The following DPP10 variants were observed in gnomAD, a reference collection of about 807,000 sequenced individuals.
DPP10 encodes dipeptidyl peptidase like 10.
In DPP10, 33 loss-of-function variants were observed where a neutral mutation model predicts 120.9. The observed-to-expected ratio is 0.27, with a 90% CI of 0.21 to 0.37. The LOEUF is 0.37. DPP10 is among the 10% of genes least tolerant of loss of function. The pLI is 1.00. For missense variants in DPP10, 816 were observed against 942.8 expected, an observed-to-expected ratio of 0.87 and a Z score of 1.76; for synonymous variants, 337 against 326.1, an observed-to-expected ratio of 1.03 and a Z score of -0.36.
At chr2:115,408,248 G>T (rs961652285) in intron 3 of DPP10, among the ~76,000 whole-genome samples, 1 of 152,086 alleles carries the variant, frequency 6.6e-6, no homozygotes, top group Non-Finnish European at 1.5e-5. Context: ...GAACAGGAGA[G>T]GCCAGGCTCC....
chr2:115,236,349 T>A (rs2058007905), intron 1 of DPP10, among the ~76,000 whole-genome samples: 1 of 152,206 alleles, frequency 6.6e-6, no homozygotes, highest in Non-Finnish European at 1.5e-5. Context: ...CCTTTCATTG[T>A]TTAATGGTAG....
intron 1 of DPP10, among the ~76,000 whole-genome samples, chr2:114,727,228 G>A (rs1392470890): frequency 1.3e-5 from 2 of 152,190 alleles, no homozygotes; most frequent in Non-Finnish European, 2.9e-5. Context: ...ATGGCTGGCA[G>A]AGTGGTGGAA....
At chr2:115,182,645 C>T (rs569164625) in intron 1 of DPP10, among the ~76,000 whole-genome samples, 83 of 151,922 alleles carry the variant, frequency 5.5e-4, no homozygotes, top group Non-Finnish European at 1.0e-3. Context: ...TGTAGATACT[C>T]CTTTCTATGG....
chr2:114,781,127 A>G (rs1682290897), intron 1 of DPP10, among the ~76,000 whole-genome samples: 1 of 152,164 alleles, frequency 6.6e-6, no homozygotes, highest in Non-Finnish European at 1.5e-5. Context: ...AAATAAATGA[A>G]TGAATAAATA....
chr2:115,536,621 G>T (rs1418855532), intron 5 of DPP10, among the ~76,000 whole-genome samples: 3 of 151,972 alleles, frequency 2.0e-5, no homozygotes, highest in African/African-American at 7.2e-5. Flanking sequence ...CCAGTAAAGA[G>T]AAATAATTTA....
intron 1 of DPP10, among the ~76,000 whole-genome samples, chr2:114,779,223 A>G (rs1183670693): frequency 6.6e-6 from 1 of 152,096 alleles, no homozygotes; most frequent in African/African-American, 2.4e-5. Context: ...GTGGACACTA[A>G]ATGCTCTTCA....
At chr2:114,573,066 C>A (rs1193542743) in intron 1 of DPP10, among the ~76,000 whole-genome samples, 1 of 152,204 alleles carries the variant, frequency 6.6e-6, no homozygotes. Flanking sequence ...CCATCGCAGA[C>A]TTCACCTCCT....
chr2:115,057,221 A>G (rs1010440400), intron 1 of DPP10, among the ~76,000 whole-genome samples: 16 of 152,294 alleles, frequency 1.1e-4, no homozygotes, highest in Non-Finnish European at 2.9e-5. Flanking sequence ...CCCTAGCAGC[A>G]TATTCTCTAC....
intron 5 of DPP10, among the ~76,000 whole-genome samples, chr2:115,593,504 G>T (rs973770493): frequency 6.6e-6 from 1 of 152,080 alleles, no homozygotes; most frequent in Non-Finnish European, 1.5e-5. Context: ...GCTTCAATTT[G>T]CAGGGCTTTA....
chr2:115,695,454 T>TGGGA (rs1430577335), intron 7 of DPP10, among the ~76,000 whole-genome samples: 1 of 151,992 alleles, frequency 6.6e-6, no homozygotes, highest in East Asian at 1.9e-4. Flanking sequence ...AAAATCATGG[T>TGGGA]GGGAGGCAAA....
Position 115,512,549 on chromosome 2 carries a change from G to A in DPP10, c.366+12945G>A, listed in dbSNP as rs550658341. Among the ~76,000 whole-genome samples the A allele has an allele frequency of 4.0e-5, 6 of 151,246 alleles. No individual in the cohort carries two copies. In the South Asian group the frequency reaches 8.4e-4, roughly 21 times the overall value. On this transcript the variant is annotated intron_variant, in intron 4 of 25. Coordinates refer to ENST00000410059, the MANE Select transcript of DPP10 (RefSeq NM_020868.6). ...TTTACAGCTAATAATTTCCCTGTAAGTTCTTCTTTACTATATATCATAAAT... is the reference window on the plus strand; with the variant it reads ...TTTACAGCTAATAATTTCCCTGTAAATTCTTCTTTACTATATATCATAAAT...
intron 1 of DPP10, among the ~76,000 whole-genome samples, chr2:114,886,693 G>C (rs554331188): frequency 6.6e-6 from 1 of 152,152 alleles, no homozygotes; most frequent in African/African-American, 2.4e-5. Flanking sequence ...GTCTGTTATG[G>C]ATATATTTGC....
At chr2:115,263,988 G>A (rs2059359066) in intron 1 of DPP10, among the ~76,000 whole-genome samples, 1 of 152,100 alleles carries the variant, frequency 6.6e-6, no homozygotes, top group African/African-American at 2.4e-5. Flanking sequence ...CCAGGAGAGT[G>A]GGTCTTAATT....
chr2:114,568,372 TG>T (rs1343721915), intron 1 of DPP10, among the ~76,000 whole-genome samples: 7 of 152,222 alleles, frequency 4.6e-5, no homozygotes, highest in Non-Finnish European at 8.8e-5. Flanking sequence ...CACTCGTGAA[TG>T]GAACTGGAGG....
At chr2:115,336,558 ACT>A (rs70941045) in intron 2 of DPP10, among the ~76,000 whole-genome samples, 8,905 of 144,232 alleles carry the variant, frequency 0.062, 649 homozygotes, top group African/African-American at 0.18. Flanking sequence ...ATACATGTGT[ACT>A]CTCTCTCTCT....
chr2:114,870,347 C>G (rs909660039), intron 1 of DPP10, among the ~76,000 whole-genome samples: 2 of 151,826 alleles, frequency 1.3e-5, no homozygotes, highest in African/African-American at 4.8e-5. Context: ...CATATTTGAC[C>G]TGGAGGAAAT....
At chr2:114,964,429 G>A (rs1358443072) in intron 1 of DPP10, among the ~76,000 whole-genome samples, 1 of 151,964 alleles carries the variant, frequency 6.6e-6, no homozygotes, top group Non-Finnish European at 1.5e-5. Flanking sequence ...CAGTAAATAA[G>A]AAAAAAAGAA....
intron 1 of DPP10, among the ~76,000 whole-genome samples, chr2:115,036,231 C>G (rs1704218566): frequency 6.6e-6 from 1 of 152,166 alleles, no homozygotes; most frequent in Admixed American, 6.5e-5. Context: ...GACTCACTCA[C>G]TATCACGAGG....
At chr2:114,996,535 C>G (rs1166138608) in intron 1 of DPP10, among the ~76,000 whole-genome samples, 6 of 152,058 alleles carry the variant, frequency 3.9e-5, no homozygotes, top group Admixed American at 6.6e-5. Flanking sequence ...TAAAACACAT[C>G]AGGCATTTCT....
Sources: allele counts gnomAD v4.1 joint callset (sites outside exome capture counted in the v4.1 genomes callset), GRCh38; gene constraint gnomAD v4.1.1; transcripts MANE v1.5; gene names NCBI Gene and HGNC (gene_info 2026-07-23, HGNC 2026-07-21).